The following NFYA variants were observed in gnomAD, a reference collection of about 807,000 sequenced individuals.
NFYA encodes the protein nuclear transcription factor Y subunit alpha.
A neutral mutation model predicts 52.8 loss-of-function variants in NFYA; 28 were observed. That is an observed-to-expected ratio of 0.53 (90% confidence interval 0.39 to 0.73). The LOEUF (loss-of-function observed/expected upper bound fraction) is 0.73, where lower values mean the gene tolerates loss of function less well. Ranked by LOEUF, NFYA falls within the 30% of genes least tolerant of loss-of-function variation. The pLI is 0.00. For synonymous variants in NFYA, 150 were observed against 150.7 expected (o/e 1.00, Z 0.03); for missense variants, 234 against 427.0 (o/e 0.55, Z 3.98).
intron 1 of NFYA, chr6:41,075,789 C>T (rs1763716742): frequency 6.6e-6 from 1 of 151,912 alleles, no homozygotes; most frequent in African/African-American, 2.4e-5. Flanking sequence ...CTCTGTCCTC[C>T]AAATTCCCAT....
chr6:41,079,113 C>A lies in NFYA; in HGVS notation c.24C>A (p.Ser8Arg). 1 of 1,614,150 alleles carries A rather than the reference C, an allele frequency of 6.2e-7. No homozygotes were observed. Among genetic ancestry groups the A allele is most frequent in the Non-Finnish European group, 8.5e-7 (1 of 1,180,004 alleles). Residue 8 changes from serine to arginine, a missense_variant, in exon 2 of 10, where the codon AGC becomes AGA. Physicochemically the swap from Ser to Arg is moderately radical, Grantham distance 110 (BLOSUM62 -1). Around this residue, in one of 3 missense-constraint regions of NFYA, gnomAD observed 118 missense variants for 182.4 expected, o/e 0.65. Transcript: ENST00000341376. The stretch of plus-strand genomic sequence containing the variant: ...CCATGGAGCAGTATACAGCAAACAG[C>A]AATAGTTCGACAGAGCAGATTGTTG... The part of the protein sequence containing the change: MEQYTAN[S>R]NSSTEQIVVQ...
Position 41,097,377 on chromosome 6 carries a change from A to G in NFYA, c.1011A>G (p.Glu337=), listed in dbSNP as rs144326438. The change falls in exon 10 of 10, where the codon GAA becomes GAG. Residue 337 remains glutamate, a synonymous_variant. Coordinates refer to ENST00000341376, the MANE Select transcript of NFYA (RefSeq NM_002505.5). ...PHMQDPNQAD[E]EAMTQIIRVS is the part of the protein sequence containing the mutation. ...TCTAGGATCCAAACCAAGCCGATGA[A>G]GAAGCAATGACACAGATCATCCGAG... is the stretch of plus-strand genomic sequence containing the variant. 35 of 1,614,064 alleles carry G rather than the reference A, an allele frequency of 2.2e-5. No homozygotes were observed. In the East Asian group the frequency reaches 7.6e-4, roughly 35 times the overall value.
At chr6:41,094,557 G>A in intron 9 of NFYA, 60 bp downstream of exon 9, 2 of 1,316,634 alleles carry the variant, frequency 1.5e-6, no homozygotes, top group South Asian at 1.2e-5. Context: ...TTGAGTTGAA[G>A]CCTTCAGCAG....
chr6:41,090,213 C>G lies in NFYA; in HGVS notation c.451C>G (p.Gln151Glu). 3 of 1,610,366 alleles carry G rather than the reference C, an allele frequency of 1.9e-6. No individual in the cohort carries two copies. The highest frequency in any genetic ancestry group is 2.5e-6 in the Non-Finnish European group (3 of 1,176,796). ...VTAGQTQTQQ[Q>E]IAVQGQQVAQ... is the part of the protein sequence containing the mutation. ...TACTTATTTCCTCCAGACACAGCAG[C>G]AGATTGCTGTCCAGGGACAGCAAGT... The change falls in exon 6 of 10, where the codon CAG (glutamine) becomes GAG (glutamate). Residue 151 changes from glutamine to glutamate, a missense_variant. Physicochemically the swap from Gln to Glu is conservative, Grantham distance 29 (BLOSUM62 2). This residue lies in a region of NFYA where 118 missense variants were observed against 182.4 expected (regional missense o/e 0.65). Coordinates refer to ENST00000341376, the MANE Select transcript of NFYA (RefSeq NM_002505.5).
At chr6:41,075,436 T>C (rs370208331) in intron 1 of NFYA, 9 of 152,360 alleles carry the variant, frequency 5.9e-5, no homozygotes, top group African/African-American at 2.2e-4. Context: ...TTGGCATCTT[T>C]CTAAAAGGCA....
chr6:41,091,621 G>T lies in NFYA; in HGVS notation c.641G>T (p.Ser214Ile), dbSNP rs779895598. ...ACAGGAGCCAATACCAACACAACCA[G>T]CAGTGGGCAAGGGACTGTCACTGTG... ...VQTGANTNTT[S>I]SGQGTVTVTL... is the part of the protein sequence containing the mutation. Residue 214 changes from serine (S) to isoleucine (I), a missense_variant, in exon 7 of 10, where the codon AGC becomes ATC. By Grantham distance (142) the Ser-to-Ile change is moderately radical. This residue lies in a region of NFYA where 81 missense variants were observed against 210.5 expected (regional missense o/e 0.38). Coordinates refer to ENST00000341376, the MANE Select transcript of NFYA (RefSeq NM_002505.5). 1 of 1,614,230 alleles carries T rather than the reference G, an allele frequency of 6.2e-7. No individual in the cohort carries two copies.
At chr6:41,088,958 A>G (rs1582031807) in intron 4 of NFYA, among the ~76,000 whole-genome samples, 1 of 152,196 alleles carries the variant, frequency 6.6e-6, no homozygotes, top group African/African-American at 2.4e-5. Context: ...AGATTAAAAA[A>G]TAATAATAAA....
At chr6:41,089,788 T>C in intron 5 of NFYA, 78 bp downstream of exon 5, 1 of 1,535,890 alleles carries the variant, frequency 6.5e-7, no homozygotes, top group Non-Finnish European at 8.8e-7. Context: ...ATTTCATGTA[T>C]AGCATGTATA....
intron 9 of NFYA, 94 bp from the exon 10 acceptor site, chr6:41,097,263 T>C (rs1048378748): frequency 1.8e-6 from 2 of 1,125,186 alleles, no homozygotes; most frequent in Non-Finnish European, 2.7e-6. Context: ...TTGGTAAAGT[T>C]ATGTGTATTC....
intron 7 of NFYA, among the ~76,000 whole-genome samples, chr6:41,092,115 G>C (rs1764212680): frequency 6.6e-6 from 1 of 152,326 alleles, no homozygotes; most frequent in Non-Finnish European, 1.5e-5. Flanking sequence ...GGGAAGATAG[G>C]AAGATTTGGG....
Position 41,101,309 on chromosome 6 carries a change from C to G in NFYA, c.*3899C>G, listed in dbSNP as rs1764496616. The G allele has an allele frequency of 6.6e-6, 1 of 152,252 alleles. No homozygotes were observed. The highest frequency in any genetic ancestry group is 6.5e-5 in the Admixed American group (1 of 15,286). The allele number at this position is 152,252 out of a possible 1,614,324, so 9.4% of individuals were successfully genotyped here. ...CGCGAGCTAAGGCACAGTTTAACTT[C>G]GTGCTGCGGCTTCCTTAGGAAACTT... On this transcript the variant is annotated 3_prime_UTR_variant, in exon 10 of 10. Transcript: ENST00000341376.
chr6:41,083,138 G>C (rs565686436), intron 3 of NFYA, among the ~76,000 whole-genome samples: 1 of 152,308 alleles, frequency 6.6e-6, no homozygotes, highest in South Asian at 2.1e-4. Flanking sequence ...GATCATTACA[G>C]TTTACTTCTA....
chr6:41,101,053 C>T lies in NFYA; in HGVS notation c.*3643C>T, dbSNP rs934227353. On this transcript the variant is annotated 3_prime_UTR_variant, in exon 10 of 10. Coordinates refer to ENST00000341376, the MANE Select transcript of NFYA (RefSeq NM_002505.5). Reference sequence around the variant, plus strand: ...ACCGGCGAGCGGCATGCGACGCCGCCTCTGTGGCCTGTGGAGGCCCGCTTG... The same window carrying T: ...ACCGGCGAGCGGCATGCGACGCCGCTTCTGTGGCCTGTGGAGGCCCGCTTG... 3 of 152,288 alleles carry T rather than the reference C, an allele frequency of 2.0e-5. No homozygotes were observed. Among genetic ancestry groups the T allele is most frequent in the East Asian group, 3.9e-4 (2 of 5,190 alleles). 9.4% of individuals were successfully genotyped at this position (152,288 alleles called of 1,614,324 possible).
rs1764428338 is a variant in NFYA, at chr6:41,098,857, C to G, written c.*1447C>G. The G allele has an allele frequency of 6.6e-6, 1 of 152,614 alleles. No individual in the cohort carries two copies. The highest frequency in any genetic ancestry group is 1.5e-5 in the Non-Finnish European group (1 of 68,042). 9.5% of individuals were successfully genotyped at this position (152,614 alleles called of 1,614,324 possible). A position where few individuals can be genotyped will look rare whatever the true frequency, so the allele number is the denominator to read the frequency against. ...CGGGTTGTGCCTCAGAAATCTATTT[C>G]TCTTTTAGATGTTGAACCCTGAGAG... On this transcript the variant is annotated 3_prime_UTR_variant, in exon 10 of 10. Coordinates refer to ENST00000341376, the MANE Select transcript of NFYA (RefSeq NM_002505.5).
intron 7 of NFYA, among the ~76,000 whole-genome samples, chr6:41,091,926 GATAA>G (rs1439864295): frequency 6.6e-6 from 1 of 152,190 alleles, no homozygotes; most frequent in African/African-American, 2.4e-5. Flanking sequence ...TAAAGCAATG[GATAA>G]ATAGTGATTT....
chr6:41,089,905 G>C (rs1412424946), intron 5 of NFYA, among the ~76,000 whole-genome samples, 195 bp downstream of exon 5: 1 of 152,118 alleles, frequency 6.6e-6, no homozygotes, highest in Non-Finnish European at 1.5e-5. Flanking sequence ...TGATCACAAG[G>C]TCAAGAGATC....
At chr6:41,079,542 TTC>T (rs1763850899) in intron 2 of NFYA, among the ~76,000 whole-genome samples, 1 of 152,236 alleles carries the variant, frequency 6.6e-6, no homozygotes, top group South Asian at 2.1e-4. Flanking sequence ...CCAATAAATC[TTC>T]TGTTTTTTGA....
At chr6:41,094,821 C>A (rs1764302839) in intron 9 of NFYA, among the ~76,000 whole-genome samples, 1 of 152,180 alleles carries the variant, frequency 6.6e-6, no homozygotes, top group African/African-American at 2.4e-5. Flanking sequence ...TGCCTGTAGT[C>A]CCAGCTACTT....
chr6:41,078,303 AGT>A (rs1480491176), intron 1 of NFYA, among the ~76,000 whole-genome samples: 1 of 152,160 alleles, frequency 6.6e-6, no homozygotes, highest in Non-Finnish European at 1.5e-5. Context: ...ATTTATGGAG[AGT>A]GGTACTGTAC....
Sources: gnomAD v4.1 joint callset for allele counts (sites outside exome capture counted in the v4.1 genomes callset) on GRCh38, gnomAD v4.1.1 for gene constraint, gnomAD v4.1.1 regional missense constraint, MANE v1.5 for transcripts, NCBI Gene and HGNC (gene_info 2026-07-23, HGNC 2026-07-21) for gene names.